Variants in ANO4 observed in about 807,000 individuals in gnomAD.
The protein encoded by ANO4 is anoctamin 4, also known as anoctamin-4.
Under a neutral mutation model 141.9 loss-of-function variants are expected in ANO4, and 69 were observed. That is an observed-to-expected ratio of 0.49 (90% CI 0.40 to 0.59). ANO4 has a LOEUF of 0.59. Ranked by LOEUF, ANO4 falls within the 20% of genes least tolerant of loss-of-function variation. The probability of loss-of-function intolerance (pLI) is 0.00; values close to 1 mark genes in which losing one functional copy is unlikely to be tolerated. For synonymous variants in ANO4, 350 were observed against 394.3 expected, an observed-to-expected ratio of 0.89 and a Z score of 1.33; for missense variants, 894 against 1,162.2, an observed-to-expected ratio of 0.77 and a Z score of 3.36.
chr12:100,745,099 G>A (rs1028375470), intron 3 of ANO4, among the ~76,000 whole-genome samples: 2 of 152,068 alleles, frequency 1.3e-5, no homozygotes, highest in East Asian at 1.9e-4. Context: ...GTACAGGTAC[G>A]TAAGGGCCTT....
chr12:100,821,079 A>G (rs939046762), intron 1 of ANO4, among the ~76,000 whole-genome samples: 4 of 152,074 alleles, frequency 2.6e-5, no homozygotes, highest in Admixed American at 6.6e-5. Flanking sequence ...GGACATTCCT[A>G]TATTTTGGAT....
chr12:101,007,164 C>A (rs910096383), intron 8 of ANO4, among the ~76,000 whole-genome samples: 1 of 152,076 alleles, frequency 6.6e-6, no homozygotes, highest in Non-Finnish European at 1.5e-5. Flanking sequence ...AGCAGCCTGG[C>A]CAACGTGGCG....
chr12:101,063,801 GAA>G (rs1010823580), intron 14 of ANO4, among the ~76,000 whole-genome samples: 4 of 60,784 alleles, frequency 6.6e-5, no homozygotes, highest in Non-Finnish European at 1.2e-4. Context: ...GTCAATTTGT[GAA>G]TTTATTGGCA....
chr12:100,881,138 G>T (rs967221180), intron 1 of ANO4, among the ~76,000 whole-genome samples: 1 of 150,454 alleles, frequency 6.6e-6, no homozygotes. Flanking sequence ...CTGTTTTGGG[G>T]TGGGGGGAGG....
chr12:100,843,149 G>T (rs2037371459), intron 1 of ANO4, among the ~76,000 whole-genome samples: 1 of 152,254 alleles, frequency 6.6e-6, no homozygotes, highest in South Asian at 2.1e-4. Flanking sequence ...TACTCTCTGG[G>T]TTGGCTGTAG....
At chr12:100,914,175 A>G (rs2041235504) in intron 2 of ANO4, among the ~76,000 whole-genome samples, 2 of 152,220 alleles carry the variant, frequency 1.3e-5, no homozygotes, top group South Asian at 2.1e-4. Context: ...GCAGGGATGC[A>G]TTATAACTTA....
At chr12:100,842,058 T>TCC (rs1390136625) in intron 1 of ANO4, 36 of 34,764 alleles carry the variant, frequency 1.0e-3, no homozygotes, top group African/African-American at 1.7e-3. Context: ...CTGGTAAATA[T>TCC]CCACCCCCCC....
intron 1 of ANO4, among the ~76,000 whole-genome samples, chr12:100,821,017 C>A (rs1671958450): frequency 6.6e-6 from 1 of 151,988 alleles, no homozygotes; most frequent in South Asian, 2.1e-4. Flanking sequence ...TTTGACTATG[C>A]CATGGCCAGC....
At chr12:101,072,941 C>T (rs2048877143) in intron 14 of ANO4, among the ~76,000 whole-genome samples, 2 of 152,152 alleles carry the variant, frequency 1.3e-5, no homozygotes, top group Admixed American at 1.3e-4. Context: ...ACAACAGATG[C>T]TGGAGAGGAT....
chr12:100,787,463 G>A (rs1360136843), intron 3 of ANO4, among the ~76,000 whole-genome samples: 1 of 152,190 alleles, frequency 6.6e-6, no homozygotes, highest in African/African-American at 2.4e-5. Flanking sequence ...GAGCAGTCAT[G>A]GGGCTTGTGA....
Position 101,029,955 on chromosome 12 carries a change from T to C in ANO4, c.842-7140T>C, listed in dbSNP as rs984009988. Among the ~76,000 whole-genome samples, 7 of 133,904 alleles carry C rather than the reference T, an allele frequency of 5.2e-5. No homozygotes were observed. The South Asian group carries it at 1.7e-3, about 33-fold the overall frequency. 87.8% of individuals were successfully genotyped at this position (133,904 alleles called of 152,430 possible). On this transcript the variant is annotated intron_variant, in intron 9 of 27. Transcript: ENST00000392977. ...CTATTCTAAATTTATATGCACCCAA[T>C]ACAGAAGCACCCAGATTCATAAAAC... is the stretch of plus-strand genomic sequence containing the variant.
intron 5 of ANO4, among the ~76,000 whole-genome samples, chr12:100,965,000 A>G (rs2043590030): frequency 1.3e-5 from 2 of 152,184 alleles, no homozygotes; most frequent in Admixed American, 1.3e-4. Flanking sequence ...CCCAGCACCT[A>G]GGACAGGCCC....
Position 100,832,153 on chromosome 12 carries a change from C to T in ANO4, c.-141+37126C>T, listed in dbSNP as rs558449041. Among the ~76,000 whole-genome samples the T allele has an allele frequency of 3.4e-4, 51 of 152,142 alleles. 1 individual carries two copies. Among genetic ancestry groups the T allele is most frequent in the African/African-American group, 1.2e-3 (48 of 41,538 alleles). On this transcript the variant is annotated intron_variant, in intron 1 of 27. Transcript: ENST00000392977. ...AAGACAGGGACGCTCATTCCCCACC[C>T]CCCAATCCTCTGTGTAAGCTTTGAA...
intron 8 of ANO4, among the ~76,000 whole-genome samples, chr12:100,994,406 T>G (rs1190874545): frequency 1.3e-5 from 2 of 152,224 alleles, no homozygotes; most frequent in Non-Finnish European, 2.9e-5. Flanking sequence ...GGCAATTACT[T>G]TCTAAGGTCA....
At chr12:101,090,169 C>G (rs1014714394) in intron 17 of ANO4, among the ~76,000 whole-genome samples, 2 of 152,178 alleles carry the variant, frequency 1.3e-5, no homozygotes, top group African/African-American at 4.8e-5. Context: ...ACTAGTTCAA[C>G]CATTGTGGAA....
At chr12:100,824,190 G>C (rs2036206647) in intron 1 of ANO4, among the ~76,000 whole-genome samples, 1 of 151,982 alleles carries the variant, frequency 6.6e-6, no homozygotes, top group South Asian at 2.1e-4. Flanking sequence ...ATTAGAAGCA[G>C]GAAGATCTGG....
intron 8 of ANO4, among the ~76,000 whole-genome samples, chr12:101,010,662 A>G (rs1290823543): frequency 6.6e-6 from 1 of 152,186 alleles, no homozygotes; most frequent in Non-Finnish European, 1.5e-5. Flanking sequence ...AATATAAGTG[A>G]CAGTTAACTG....
chr12:100,784,887 C>T (rs1202192004), intron 3 of ANO4, among the ~76,000 whole-genome samples: 1 of 151,888 alleles, frequency 6.6e-6, no homozygotes, highest in Non-Finnish European at 1.5e-5. Flanking sequence ...TTCCTTAGAA[C>T]TTGACTTTGT....
At chr12:100,798,844 T>G (rs1177974998) in intron 1 of ANO4, among the ~76,000 whole-genome samples, 3 of 152,382 alleles carry the variant, frequency 2.0e-5, no homozygotes, top group African/African-American at 7.2e-5. Context: ...GCTTTTTCTC[T>G]AATAGAAATC....
Sources: gnomAD v4.1 joint callset for allele counts (sites outside exome capture counted in the v4.1 genomes callset) on GRCh38, gnomAD v4.1.1 for gene constraint, MANE v1.5 for transcripts, NCBI Gene and HGNC (gene_info 2026-07-23, HGNC 2026-07-21) for gene names.